The following PROM1 variants were observed in gnomAD, a reference collection of about 807,000 sequenced individuals.
The protein encoded by PROM1 is prominin 1.
In PROM1, 105 loss-of-function variants were observed where a neutral mutation model predicts 116.9. That is an observed-to-expected ratio of 0.90 (90% CI 0.77 to 1.06). The LOEUF is 1.06. Among genes scored for constraint, PROM1 ranks in the 50% least tolerant of loss-of-function variants. The probability of loss-of-function intolerance (pLI) is 0.00; values close to 1 mark genes in which losing one functional copy is unlikely to be tolerated. For synonymous variants in PROM1, 393 were observed against 387.0 expected (o/e 1.02, Z -0.18); for missense variants, 1,122 against 1,045.2 (o/e 1.07, Z -1.01).
At chr4:16,018,191 G>C in intron 9 of PROM1, 132 bp downstream of exon 9, 1 of 776,350 alleles carries the variant, frequency 1.3e-6, no homozygotes, top group South Asian at 1.7e-5. Flanking sequence ...GACTCAAGAA[G>C]GCTGATAGAG....
chr4:15,993,962 C>T (rs749768785), intron 16 of PROM1, 25 bp downstream of exon 16: 60 of 1,607,442 alleles, frequency 3.7e-5, no homozygotes, highest in Middle Eastern at 3.3e-4. Context: ...TGTGTTATGT[C>T]GATTCCATGA....
chr4:16,057,928 G>A (rs941564674), intron 2 of PROM1, among the ~76,000 whole-genome samples: 34 of 152,284 alleles, frequency 2.2e-4, no homozygotes, highest in African/African-American at 7.7e-4. Flanking sequence ...AGGAACATAC[G>A]AAGCAAAAGG....
chr4:15,978,581 T>C (rs1341793909), intron 26 of PROM1, among the ~76,000 whole-genome samples: 2 of 152,206 alleles, frequency 1.3e-5, no homozygotes, highest in Admixed American at 1.3e-4. Flanking sequence ...AGCGTGGGCC[T>C]TCTAAGGTGG....
intron 2 of PROM1, among the ~76,000 whole-genome samples, chr4:16,049,721 A>G (rs898913348): frequency 6.6e-6 from 1 of 151,192 alleles, no homozygotes; most frequent in Non-Finnish European, 1.5e-5. Flanking sequence ...TTAAATTTAT[A>G]TATATATATA....
intron 26 of PROM1, among the ~76,000 whole-genome samples, chr4:15,973,860 T>C (rs186420377): frequency 2.4e-3 from 364 of 152,256 alleles, no homozygotes; most frequent in African/African-American, 8.4e-3. Flanking sequence ...TCCCTGAGTC[T>C]ATCTGCAAAA....
chr4:16,039,299 G>A (rs1365140774), intron 2 of PROM1, among the ~76,000 whole-genome samples: 1 of 152,088 alleles, frequency 6.6e-6, no homozygotes, highest in Non-Finnish European at 1.5e-5. Flanking sequence ...ACCGCATACA[G>A]CTTATTAATA....
chr4:16,004,832 T>TTCTTC (rs1203366908), intron 13 of PROM1, among the ~76,000 whole-genome samples: 1 of 122,506 alleles, frequency 8.2e-6, no homozygotes, highest in Non-Finnish European at 1.7e-5. Context: ...TCTTTCTTTT[T>TTCTTC]CTTCCTTCCT....
At chr4:16,056,977 C>T (rs1408055389) in intron 2 of PROM1, among the ~76,000 whole-genome samples, 2 of 152,244 alleles carry the variant, frequency 1.3e-5, no homozygotes, top group Non-Finnish European at 2.9e-5. Flanking sequence ...GCAAATTAGT[C>T]TTCAGGAAGA....
At chr4:15,987,841 G>T (rs879158072) in intron 19 of PROM1, 125 bp from the exon 20 acceptor site, 2 of 650,818 alleles carry the variant, frequency 3.1e-6, no homozygotes, top group South Asian at 2.1e-5. Flanking sequence ...TTTCATTCTA[G>T]AAAAAATAAC....
intron 2 of PROM1, among the ~76,000 whole-genome samples, chr4:16,074,215 T>C (rs1333578006): frequency 1.3e-5 from 2 of 151,812 alleles, no homozygotes; most frequent in Non-Finnish European, 2.9e-5. Context: ...ACTAAAAGAG[T>C]AATTGGATTG....
At chr4:16,026,323 T>C (rs1731259903) in intron 5 of PROM1, among the ~76,000 whole-genome samples, 1 of 152,226 alleles carries the variant, frequency 6.6e-6, no homozygotes, top group South Asian at 2.1e-4. Flanking sequence ...CATTAGAAGG[T>C]GCTAATTGCC....
chr4:15,985,637 C>T, intron 22 of PROM1, 123 bp downstream of exon 22: 1 of 785,068 alleles, frequency 1.3e-6, no homozygotes, highest in Non-Finnish European at 2.1e-6. Context: ...ACATCAATGT[C>T]CTTTCACTTA....
rs767346118 is a variant in PROM1 at position 15,968,622 on chromosome 4, A to C, written c.*771T>G. 6.6e-6 allele frequency: 1 copy of C among 152,224 alleles called. No individual in the cohort carries two copies. Among genetic ancestry groups the C allele is most frequent in the African/African-American group, 2.4e-5 (1 of 41,454 alleles). 9.4% of individuals were successfully genotyped at this position (152,224 alleles called of 1,614,324 possible). On this transcript the variant is annotated 3_prime_UTR_variant, in exon 28 of 28. Transcript: ENST00000447510. ...TGTTAAACTGTACACCGTAATTGGC[A>C]TCTGTTAAAACAACTCCACTTTTGA...
intron 2 of PROM1, among the ~76,000 whole-genome samples, chr4:16,047,267 C>A (rs1399582889): frequency 6.6e-6 from 1 of 151,984 alleles, no homozygotes; most frequent in Admixed American, 6.6e-5. Flanking sequence ...TACAGTGGGG[C>A]AATCTCAGCT....
chr4:15,979,366 C>T (rs142467914), intron 26 of PROM1, 29 bp downstream of exon 26: 25 of 1,613,150 alleles, frequency 1.5e-5, no homozygotes, highest in Admixed American at 1.3e-4. Flanking sequence ...TATCATAGGG[C>T]GGGCATGCAC....
At position 15,998,393 on chromosome 4, in the gene PROM1, T is replaced by C. The variant is rs1255272315; in HGVS notation, c.1674A>G (p.Gln558=). 1.3e-6 allele frequency: 2 copies of C among 1,598,382 alleles called. No individual in the cohort carries two copies. Residue 558 remains glutamine (Q), a synonymous_variant, in exon 15 of 28, where the codon CAA becomes CAG. Transcript: ENST00000447510. ...NKSKMKLTFE[Q]VYSDCKKNRG... ...AATGCAAATATTGATACCTGTAAAC[T>C]TGTTCAAAAGTGAGCTTCATTTTTG...
intron 13 of PROM1, among the ~76,000 whole-genome samples, chr4:16,004,836 C>CCTTTCTTTTT (rs1724840779): frequency 1.7e-5 from 1 of 57,538 alleles, no homozygotes; most frequent in African/African-American, 4.9e-5. Context: ...TCTTTTTCTT[C>CCTTTCTTTTT]CTTCCTTCCT....
At chr4:16,079,312 A>G (rs1744561218) in intron 1 of PROM1, 1 of 152,192 alleles carries the variant, frequency 6.6e-6, no homozygotes, top group Non-Finnish European at 1.5e-5. Context: ...GTGAAACATA[A>G]CTGCTCACCG....
intron 15 of PROM1, among the ~76,000 whole-genome samples, chr4:15,997,867 G>C (rs1361779158): frequency 6.6e-6 from 1 of 152,154 alleles, no homozygotes; most frequent in African/African-American, 2.4e-5. Context: ...AACAACCCCA[G>C]GGTCAGATTC....
Sources: allele counts gnomAD v4.1 joint callset (sites outside exome capture counted in the v4.1 genomes callset), GRCh38; gene constraint gnomAD v4.1.1; transcripts MANE v1.5; gene names NCBI Gene and HGNC (gene_info 2026-07-23, HGNC 2026-07-21).